Variants in XRN2 observed in about 807,000 individuals in gnomAD.
XRN2 encodes the protein DHM1-like protein.
XRN2 carries 44 observed loss-of-function variants against 138.5 expected under a neutral mutation model. That is an observed-to-expected ratio of 0.32 (90% CI 0.25 to 0.41). The LOEUF (loss-of-function observed/expected upper bound fraction) is 0.41. XRN2 is among the 10% of genes least tolerant of loss of function. The pLI is 1.00. For synonymous variants in XRN2, 354 were observed against 369.4 expected (o/e 0.96, Z 0.48); for missense variants, 937 against 1,169.3 (o/e 0.80, Z 2.90).
intron 1 of XRN2, among the ~76,000 whole-genome samples, chr20:21,307,690 G>C (rs1258762530): frequency 2.6e-5 from 2 of 76,126 alleles, no homozygotes; most frequent in Non-Finnish European, 6.2e-5. Flanking sequence ...CCAAGACAGT[G>C]AACGTGACCT....
At chr20:21,349,362 G>T in intron 19 of XRN2, 27 bp from the exon 20 acceptor site, 2 of 1,450,728 alleles carry the variant, frequency 1.4e-6, no homozygotes, top group South Asian at 2.3e-5. Flanking sequence ...CTTCTGTTTT[G>T]ATTCTTTACT....
intron 14 of XRN2, 60 bp from the exon 15 acceptor site, chr20:21,340,661 C>G: frequency 1.3e-6 from 2 of 1,567,390 alleles, no homozygotes; most frequent in Non-Finnish European, 8.7e-7. Flanking sequence ...TCTTTCCTTT[C>G]TGTCATCTAA....
chr20:21,371,853 T>G lies in XRN2; in HGVS notation c.2584+3263T>G, dbSNP rs142245255. Among the ~76,000 whole-genome samples the G allele has an allele frequency of 4.3e-4, 66 of 152,388 alleles. 1 individual carries two copies. The highest frequency in any genetic ancestry group is 1.6e-3 in the African/African-American group (65 of 41,600). ...ATGCCCTTAGGGGCCTACAGTTCTA[T>G]AGTTCTTCGTCTGCCTTCTTTGGAA... On this transcript the variant is annotated intron_variant, in intron 27 of 29. Coordinates refer to ENST00000377191, the MANE Select transcript of XRN2 (RefSeq NM_012255.5).
chr20:21,326,681 A>G (rs2038133543), intron 3 of XRN2, 80 bp downstream of exon 3: 5 of 1,106,934 alleles, frequency 4.5e-6, no homozygotes, highest in Non-Finnish European at 5.2e-6. Flanking sequence ...AGTCAGCTAA[A>G]TAATGAAAAA....
chr20:21,364,267 A>C (rs1222405119), intron 24 of XRN2, among the ~76,000 whole-genome samples: 1 of 152,196 alleles, frequency 6.6e-6, no homozygotes, highest in Non-Finnish European at 1.5e-5. Context: ...GTCCACTGTT[A>C]TTCATACACT....
intron 1 of XRN2, among the ~76,000 whole-genome samples, chr20:21,317,098 C>T (rs914450982): frequency 7.9e-5 from 12 of 152,166 alleles, no homozygotes; most frequent in African/African-American, 2.2e-4. Context: ...TTTCCTTTTC[C>T]TGCCTAATTG....
At chr20:21,364,783 G>A (rs2038675320) in intron 24 of XRN2, among the ~76,000 whole-genome samples, 1 of 149,120 alleles carries the variant, frequency 6.7e-6, no homozygotes, top group East Asian at 2.0e-4. Context: ...TCCAGCCTGG[G>A]CAACAGGGCG....
chr20:21,346,713 AGGT>A (rs957305300), intron 17 of XRN2, among the ~76,000 whole-genome samples, 163 bp downstream of exon 17: 4 of 152,062 alleles, frequency 2.6e-5, no homozygotes, highest in Admixed American at 2.6e-4. Flanking sequence ...TCTGCCTCCC[AGGT>A]TCAAGCGATT....
At chr20:21,333,332 C>T (rs2038240700) in intron 9 of XRN2, among the ~76,000 whole-genome samples, 1 of 151,976 alleles carries the variant, frequency 6.6e-6, no homozygotes, top group Admixed American at 6.6e-5. Flanking sequence ...ACTGTCTGGC[C>T]CTTTGCAGAA....
chr20:21,356,486 T>C, intron 22 of XRN2, 100 bp from the exon 23 acceptor site: 1 of 1,048,024 alleles, frequency 9.5e-7, no homozygotes, highest in Non-Finnish European at 1.4e-6. Flanking sequence ...TTTCTGCCTT[T>C]TGGCTCTTAT....
intron 24 of XRN2, among the ~76,000 whole-genome samples, chr20:21,362,608 A>G (rs940988171): frequency 2.2e-4 from 34 of 152,222 alleles, no homozygotes; most frequent in Admixed American, 1.0e-3. Flanking sequence ...ATCTTTGATC[A>G]CTTTCACGTC....
In XRN2 at chr20:21,320,279, G is replaced by GTATTTATTTATGTATTTATTTATT. The variant is rs1555783270; in HGVS notation, c.76-5989_76-5988insGTATTTATTTATTTATTTATTTAT. 2.3e-4 allele frequency among the ~76,000 whole-genome samples: 20 copies of GTATTTATTTATGTATTTATTTATT among 88,700 alleles called. No individual in the cohort carries two copies. In the East Asian group the frequency reaches 3.3e-3, roughly 15 times the overall value. The allele number at this position is 88,700 out of a possible 152,430, so 58.2% of individuals were successfully genotyped here. On this transcript the variant is annotated intron_variant, in intron 1 of 29. Coordinates refer to ENST00000377191, the MANE Select transcript of XRN2 (RefSeq NM_012255.5). ...CTATTGGCATCATTTATTTATTTAT[G>GTATTTATTTATGTATTTATTTATT]TATTTATTTATTTATGTATTTATTT...
chr20:21,330,232 C>T (rs374845968), intron 4 of XRN2, among the ~76,000 whole-genome samples: 1 of 151,942 alleles, frequency 6.6e-6, no homozygotes, highest in Non-Finnish European at 1.5e-5. Flanking sequence ...TGCAGTGAGC[C>T]GAGATTGCAC....
At chr20:21,343,303 G>T (rs913455749) in intron 15 of XRN2, among the ~76,000 whole-genome samples, 6 of 151,658 alleles carry the variant, frequency 4.0e-5, no homozygotes, top group Non-Finnish European at 7.4e-5. Context: ...AATATGTTAG[G>T]GTTATATTAA....
At chr20:21,309,000 C>G (rs186385605) in intron 1 of XRN2, among the ~76,000 whole-genome samples, 101 of 152,308 alleles carry the variant, frequency 6.6e-4, no homozygotes, top group African/African-American at 2.4e-3. Context: ...GCTAAAGCCA[C>G]CTTGCATTCC....
chr20:21,382,100 C>T (rs759029936), intron 28 of XRN2, 43 bp downstream of exon 28: 31 of 1,549,878 alleles, frequency 2.0e-5, no homozygotes, highest in Non-Finnish European at 2.7e-5. Context: ...CTTTCTGACA[C>T]CAACATTTGG....
At chr20:21,327,954 GATTTAAAAGTACTTCTGGTT>G (rs1201987958) in intron 3 of XRN2, among the ~76,000 whole-genome samples, 12 of 152,128 alleles carry the variant, frequency 7.9e-5, no homozygotes, top group Non-Finnish European at 1.6e-4. Context: ...TGGTTAGAGT[GATTTAAAAGTACTTCTGGTT>G]AAGGCATTAT....
chr20:21,384,218 G>C (rs2038914296), intron 28 of XRN2, among the ~76,000 whole-genome samples: 1 of 152,110 alleles, frequency 6.6e-6, no homozygotes, highest in African/African-American at 2.4e-5. Flanking sequence ...CTTGAGTTTT[G>C]CCACATTGTT....
At chr20:21,371,259 AT>A (rs1447622508) in intron 27 of XRN2, among the ~76,000 whole-genome samples, 1 of 152,146 alleles carries the variant, frequency 6.6e-6, no homozygotes, top group Non-Finnish European at 1.5e-5. Context: ...CCAAGAAGAA[AT>A]TGGTTCTATA....
Sources: allele counts gnomAD v4.1 joint callset (sites outside exome capture counted in the v4.1 genomes callset), GRCh38; gene constraint gnomAD v4.1.1; transcripts MANE v1.5; gene names NCBI Gene and HGNC (gene_info 2026-07-23, HGNC 2026-07-21).